The following DRC1 variants were observed in gnomAD, a reference collection of about 807,000 sequenced individuals.
DRC1 encodes dynein regulatory complex protein 1.
A neutral mutation model predicts 98.7 loss-of-function variants in DRC1; 74 were observed. The ratio of observed to expected loss-of-function variants is 0.75; its 90% confidence interval spans 0.62 to 0.91. The LOEUF (loss-of-function observed/expected upper bound fraction) is 0.91, where lower values mean the gene tolerates loss of function less well. DRC1 is among the 40% of genes least tolerant of loss of function. DRC1 has a pLI of 0.00. For synonymous variants in DRC1, 336 were observed against 334.1 expected (o/e 1.01, Z -0.06); for missense variants, 875 against 886.0 (o/e 0.99, Z 0.16).
chr2:26,453,284 TC>T (rs1190205998), intron 13 of DRC1, 35 bp from the exon 14 acceptor site: 2 of 1,611,570 alleles, frequency 1.2e-6, no homozygotes, highest in Admixed American at 3.3e-5. Flanking sequence ...TGCTCGTGTG[TC>T]CCCAGCCCAC....
At chr2:26,432,340 TA>T (rs1212657191) in intron 7 of DRC1, among the ~76,000 whole-genome samples, 1 of 151,464 alleles carries the variant, frequency 6.6e-6, no homozygotes, top group Non-Finnish European at 1.5e-5. Context: ...CGGCAAAAAA[TA>T]AAAAGAAATT....
At chr2:26,445,024 G>A in intron 10 of DRC1, 76 bp downstream of exon 10, 1 of 1,469,498 alleles carries the variant, frequency 6.8e-7, no homozygotes, top group Admixed American at 2.0e-5. Context: ...AGTCACGTTA[G>A]AGATAGTCTA....
chr2:26,416,050 G>A (rs1484050806), intron 2 of DRC1, among the ~76,000 whole-genome samples: 1 of 152,020 alleles, frequency 6.6e-6, no homozygotes. Context: ...TCCTTAGTTA[G>A]GTATAAAACC....
intron 2 of DRC1, among the ~76,000 whole-genome samples, chr2:26,414,703 C>T (rs995194291): frequency 6.6e-6 from 1 of 152,194 alleles, no homozygotes; most frequent in African/African-American, 2.4e-5. Flanking sequence ...GCGCTCAAGG[C>T]CTTTGGTAGT....
Position 26,414,515 on chromosome 2 carries a change from T to A in DRC1, c.243+84T>A, listed in dbSNP as rs543406006. 6.9e-6 allele frequency: 9 copies of A among 1,299,644 alleles called. No homozygotes were observed. The Admixed American group carries it at 9.4e-5, about 14-fold the overall frequency. The allele number at this position is 1,299,644 out of a possible 1,614,324, so 80.5% of individuals were successfully genotyped here. A position where few individuals can be genotyped will look rare whatever the true frequency, so the allele number is the denominator to read the frequency against. On this transcript the variant is annotated intron_variant, in intron 2 of 16. Coordinates refer to ENST00000288710, the MANE Select transcript of DRC1 (RefSeq NM_145038.5). Reference sequence around the variant, plus strand: ...GTTTTCACATTTAGACTGGAAGAAATCATGTGGTCCATGTTGCTGTCTCTA... The same window carrying A: ...GTTTTCACATTTAGACTGGAAGAAAACATGTGGTCCATGTTGCTGTCTCTA...
Position 26,454,979 on chromosome 2 carries a change from T to C in DRC1, c.2064-152T>C. ...GGCCCTGGCCTGCCTGTTCTGTTCC[T>C]GCTAACCTGGCTCACCTGGCGGCTG... On this transcript the variant is annotated intron_variant, in intron 15 of 16. Transcript: ENST00000288710. The surrounding 1 kb of genome is among the most constrained non-coding windows in gnomAD (Gnocchi z 5.2). The C allele has an allele frequency of 7.6e-7, 1 of 1,320,522 alleles. No homozygotes were observed. The highest frequency in any genetic ancestry group is 1.8e-5 in the Admixed American group (1 of 55,756). The allele number at this position is 1,320,522 out of a possible 1,614,324, so 81.8% of individuals were successfully genotyped here. A position where few individuals can be genotyped will look rare whatever the true frequency, so the allele number is the denominator to read the frequency against.
At chr2:26,412,265 G>A (rs1678637755) in intron 1 of DRC1, among the ~76,000 whole-genome samples, 1 of 152,112 alleles carries the variant, frequency 6.6e-6, no homozygotes. Flanking sequence ...AGATCTGCTA[G>A]GCTGAGGCGG....
At chr2:26,422,512 C>T (rs1006575751) in intron 3 of DRC1, among the ~76,000 whole-genome samples, 3 of 152,144 alleles carry the variant, frequency 2.0e-5, no homozygotes, top group Admixed American at 6.6e-5. Flanking sequence ...GAGGCATAAG[C>T]GGCTTAGAAG....
chr2:26,422,313 C>A (rs913110104), intron 3 of DRC1, among the ~76,000 whole-genome samples: 4 of 152,128 alleles, frequency 2.6e-5, no homozygotes, highest in Non-Finnish European at 5.9e-5. Context: ...GTGAGAATGA[C>A]CAGACCCACG....
chr2:26,455,124 TC>T lies in DRC1; in HGVS notation c.2064-5del. ...AGTGAGCCTCTAACCGATTTTTCTG[TC>T]CAAAGCCTTGTCCTGACCCAGAGGG... On this transcript the variant is annotated splice_polypyrimidine_tract_variant and splice_region_variant and intron_variant, in intron 15 of 16. Coordinates refer to ENST00000288710, the MANE Select transcript of DRC1 (RefSeq NM_145038.5). 1 of 1,613,846 alleles carries T rather than the reference TC, an allele frequency of 6.2e-7. No homozygotes were observed. The highest frequency in any genetic ancestry group is 8.5e-7 in the Non-Finnish European group (1 of 1,179,956).
rs376216531 is a variant in DRC1 at position 26,454,826 on chromosome 2, C to T, written c.2063+36C>T. 71 of 1,612,606 alleles carry T rather than the reference C, an allele frequency of 4.4e-5. No individual in the cohort carries two copies. The highest frequency in any genetic ancestry group is 1.9e-4 in the African/African-American group (14 of 74,856). ...ATGTCATGGAGCAGGAGGGTGCTGG[C>T]GGGCAGGTGAGGAACGGTTGTTGGG... is the stretch of plus-strand genomic sequence containing the variant. On this transcript the variant is annotated intron_variant, in intron 15 of 16. Coordinates refer to ENST00000288710, the MANE Select transcript of DRC1 (RefSeq NM_145038.5). The surrounding 1 kb of genome is among the most constrained non-coding windows in gnomAD (Gnocchi z 5.2).
At chr2:26,445,387 T>C (rs976967929) in intron 10 of DRC1, among the ~76,000 whole-genome samples, 1 of 152,220 alleles carries the variant, frequency 6.6e-6, no homozygotes, top group African/African-American at 2.4e-5. Context: ...TTTGCTACCC[T>C]GAGATAGTCT....
intron 1 of DRC1, among the ~76,000 whole-genome samples, chr2:26,408,459 C>T (rs927852403): frequency 6.6e-6 from 1 of 152,096 alleles, no homozygotes; most frequent in Non-Finnish European, 1.5e-5. Context: ...ATCCGACCAG[C>T]CCCAAAAGAA....
At chr2:26,425,195 G>A (rs1200462542) in intron 4 of DRC1, among the ~76,000 whole-genome samples, 9 of 152,126 alleles carry the variant, frequency 5.9e-5, no homozygotes, top group Non-Finnish European at 1.0e-4. Context: ...TTGTCCTTTT[G>A]TGACTAGCAT....
intron 11 of DRC1, among the ~76,000 whole-genome samples, chr2:26,449,530 G>A (rs982018493): frequency 1.5e-4 from 23 of 152,358 alleles, no homozygotes; most frequent in Non-Finnish European, 2.9e-4. Context: ...CTGCTCAGCC[G>A]CCCTCTCCCT....
chr2:26,456,385 C>G (rs1489343580), intron 16 of DRC1, 76 bp from the exon 17 acceptor site: 1 of 1,585,126 alleles, frequency 6.3e-7, no homozygotes, highest in South Asian at 1.1e-5. Flanking sequence ...CATGGGAGAG[C>G]CAGCGTGGCT....
intron 2 of DRC1, among the ~76,000 whole-genome samples, chr2:26,418,693 ATAAATTATATT>A (rs1486803651): frequency 4.3e-5 from 4 of 92,200 alleles, no homozygotes; most frequent in Non-Finnish European, 6.0e-5. Flanking sequence ...TATATTATAT[ATAAATTATATT>A]TAATTTATAT....
intron 9 of DRC1, 34 bp from the exon 10 acceptor site, chr2:26,444,682 C>T: frequency 6.3e-7 from 1 of 1,596,026 alleles, no homozygotes; most frequent in South Asian, 1.1e-5. Context: ...GGTCCTGGGG[C>T]CAGCTGGCCA....
Position 26,454,785 on chromosome 2 carries a change from G to C in DRC1, c.2058G>C (p.Lys686Asn). Residue 686 changes from lysine (K) to asparagine (N), a missense_variant, in exon 15 of 17, where the codon AAG (lysine) becomes AAC (asparagine). Coordinates refer to ENST00000288710, the MANE Select transcript of DRC1 (RefSeq NM_145038.5). The surrounding 1 kb of genome is among the most constrained non-coding windows in gnomAD (Gnocchi z 5.2). ...ATGCCCTCTACACAGCCTTGGAGAA[G>C]TACCAGTAAGTGTGCATGTCATGGA... Reference protein sequence around the residue: ...LWDALYTALEKYHLVLTQRAK... With the variant: ...LWDALYTALENYHLVLTQRAK... The C allele has an allele frequency of 6.2e-7, 1 of 1,614,094 alleles. No homozygotes were observed. Among genetic ancestry groups the C allele is most frequent in the Non-Finnish European group, 8.5e-7 (1 of 1,179,982 alleles).
Sources: allele counts gnomAD v4.1 joint callset (sites outside exome capture counted in the v4.1 genomes callset), GRCh38; gene constraint gnomAD v4.1.1; non-coding constraint Gnocchi (gnomAD v3.1); transcripts MANE v1.5; gene names NCBI Gene and HGNC (gene_info 2026-07-23, HGNC 2026-07-21).